Variants in CCDC171 observed in about 807,000 individuals in gnomAD.
CCDC171 encodes coiled-coil domain-containing protein 171.
Under a neutral mutation model 168.2 loss-of-function variants are expected in CCDC171, and 177 were observed. The ratio of observed to expected loss-of-function variants is 1.05; its 90% confidence interval spans 0.93 to 1.19. The LOEUF (loss-of-function observed/expected upper bound fraction) is 1.19, where lower values mean the gene tolerates loss of function less well. Ranked by LOEUF, CCDC171 falls within the 50% of genes most tolerant of loss-of-function variation. The probability of loss-of-function intolerance (pLI) is 0.00; values close to 1 mark genes in which losing one functional copy is unlikely to be tolerated. For missense variants in CCDC171, 1,991 were observed against 1,539.0 expected, an observed-to-expected ratio of 1.29 and a Z score of -4.91; for synonymous variants, 687 against 540.8, an observed-to-expected ratio of 1.27 and a Z score of -3.75.
At chr9:15,875,449 T>C (rs1384764917) in intron 24 of CCDC171, 1 of 152,010 alleles carries the variant, frequency 6.6e-6, no homozygotes, top group African/African-American at 2.4e-5. Flanking sequence ...GTGTGTCCTT[T>C]TAATGCCCAA....
intron 16 of CCDC171, among the ~76,000 whole-genome samples, chr9:15,731,690 T>C (rs1280329563): frequency 3.9e-5 from 6 of 152,062 alleles, no homozygotes; most frequent in African/African-American, 9.7e-5. Flanking sequence ...TGTCAACATA[T>C]GGTTTTATTT....
At chr9:15,968,793 CCTCCCAAA>C (rs1223834865) in intron 25 of CCDC171, among the ~76,000 whole-genome samples, 1 of 152,174 alleles carries the variant, frequency 6.6e-6, no homozygotes, top group Non-Finnish European at 1.5e-5. Context: ...CCCACCTCGG[CCTCCCAAA>C]GTGCTGGGAT....
At chr9:15,719,418 GAGA>G (rs2053314201) in intron 11 of CCDC171, among the ~76,000 whole-genome samples, 2 of 5,308 alleles carry the variant, frequency 3.8e-4, no homozygotes, top group Non-Finnish European at 1.7e-3. Flanking sequence ...GCGGGGGAAA[GAGA>G]GAGAGAGAGA....
At chr9:15,747,735 C>T (rs2055404425) in intron 18 of CCDC171, among the ~76,000 whole-genome samples, 1 of 152,176 alleles carries the variant, frequency 6.6e-6, no homozygotes, top group Admixed American at 6.5e-5. Context: ...ACCAAAACCT[C>T]ATCTGTAAGT....
At chr9:15,690,272 A>G (rs560527813) in intron 10 of CCDC171, among the ~76,000 whole-genome samples, 40 of 152,302 alleles carry the variant, frequency 2.6e-4, no homozygotes, top group African/African-American at 9.6e-4. Context: ...TATGTCAATT[A>G]TGTCTCAGTC....
chr9:15,605,493 C>T (rs2043152386), intron 6 of CCDC171, among the ~76,000 whole-genome samples: 1 of 135,998 alleles, frequency 7.4e-6, no homozygotes, highest in Non-Finnish European at 1.5e-5. Flanking sequence ...TCCTGGCCAA[C>T]ACTGTGAAAC....
chr9:16,096,656 A>T, the CCDC171 span, among the ~76,000 whole-genome samples: 1 of 152,290 alleles, frequency 6.6e-6, no homozygotes, highest in Middle Eastern at 3.4e-3. Flanking sequence ...GGTCCTCTCA[A>T]GTGAGGCTAC....
chr9:15,854,648 G>T (rs2061277798), intron 23 of CCDC171, among the ~76,000 whole-genome samples: 2 of 151,404 alleles, frequency 1.3e-5, no homozygotes, highest in South Asian at 4.1e-4. Context: ...TGCGCTCTCT[G>T]TCTCTCTCTT....
chr9:16,038,294 A>G (rs1833509863), upstream of CCDC171, among the ~76,000 whole-genome samples: 1 of 152,176 alleles, frequency 6.6e-6, no homozygotes, highest in African/African-American at 2.4e-5. Context: ...AAATTGAACT[A>G]GAAAGGAAGG....
chr9:16,039,724 C>A (rs1833541348), upstream of CCDC171, among the ~76,000 whole-genome samples: 1 of 152,160 alleles, frequency 6.6e-6, no homozygotes, highest in South Asian at 2.1e-4. Context: ...CCAGAATTTG[C>A]ACACATTACT....
At chr9:15,882,659 G>A (rs2131354998) in intron 24 of CCDC171, among the ~76,000 whole-genome samples, 1 of 152,178 alleles carries the variant, frequency 6.6e-6, no homozygotes, top group East Asian at 1.9e-4. Flanking sequence ...GTCATTGTGA[G>A]TTATGCCTTG....
chr9:16,090,405 G>A, the CCDC171 span, among the ~76,000 whole-genome samples: 23,319 of 152,046 alleles, frequency 0.15, 1,896 homozygotes, highest in South Asian at 0.2. Context: ...ATCACACACC[G>A]GGGCCTGTTA....
chr9:15,845,874 C>T (rs560395653), intron 21 of CCDC171, among the ~76,000 whole-genome samples: 49 of 152,154 alleles, frequency 3.2e-4, no homozygotes, highest in African/African-American at 1.2e-3. Flanking sequence ...CTAGAAAATA[C>T]TTCTCTCAAT....
intron 3 of CCDC171, among the ~76,000 whole-genome samples, chr9:16,006,576 C>G (rs1248399193): frequency 7.1e-6 from 1 of 139,966 alleles, no homozygotes; most frequent in Non-Finnish European, 1.5e-5. Context: ...TGCTATCCCT[C>G]CCCCCTCCCC....
intron 6 of CCDC171, among the ~76,000 whole-genome samples, chr9:15,614,464 A>G (rs964139769): frequency 2.0e-4 from 31 of 152,220 alleles, no homozygotes; most frequent in African/African-American, 7.2e-4. Flanking sequence ...ATTTCCCTGA[A>G]TAAATGCTTT....
chr9:15,751,316 G>C (rs534246038), intron 18 of CCDC171, among the ~76,000 whole-genome samples: 1 of 152,328 alleles, frequency 6.6e-6, no homozygotes, highest in South Asian at 2.1e-4. Context: ...CTCATGGATA[G>C]GAAGAATCAA....
intron 25 of CCDC171, among the ~76,000 whole-genome samples, chr9:15,962,624 C>T (rs534833778): frequency 3.9e-5 from 6 of 151,904 alleles, no homozygotes; most frequent in African/African-American, 7.2e-5. Context: ...CATTTTTTTC[C>T]CATTTATTTG....
chr9:15,911,814 C>G (rs919189011), intron 24 of CCDC171, among the ~76,000 whole-genome samples: 6 of 152,114 alleles, frequency 3.9e-5, no homozygotes. Flanking sequence ...AATCCTTTCC[C>G]CATTTCTTGT....
intron 3 of CCDC171, among the ~76,000 whole-genome samples, chr9:16,000,008 A>G (rs1832492262): frequency 2.0e-5 from 3 of 152,202 alleles, no homozygotes; most frequent in Admixed American, 6.5e-5. Context: ...AGCTGTAACT[A>G]TTCTGACAAA....
Sources: allele counts gnomAD v4.1 joint callset (sites outside exome capture counted in the v4.1 genomes callset), GRCh38; gene constraint gnomAD v4.1.1; transcripts MANE v1.5; gene names NCBI Gene and HGNC (gene_info 2026-07-23, HGNC 2026-07-21).